Variants in CSMD1 observed in about 807,000 individuals in gnomAD.
CSMD1 encodes CUB and sushi domain-containing protein 1.
A neutral mutation model predicts 417.5 loss-of-function variants in CSMD1; 213 were observed. That is an observed-to-expected ratio of 0.51 (90% CI 0.46 to 0.57). The LOEUF (loss-of-function observed/expected upper bound fraction) is 0.57. Ranked by LOEUF, CSMD1 falls within the 20% of genes least tolerant of loss-of-function variation. The pLI is 0.00. For synonymous variants in CSMD1, 2,862 were observed against 1,736.8 expected (o/e 1.65, Z -16.11); for missense variants, 6,923 against 4,529.7 (o/e 1.53, Z -15.17).
chr8:3,619,221 A>C lies in CSMD1; in HGVS notation c.1010-2424T>G, dbSNP rs561603791. The stretch of plus-strand genomic sequence containing the variant: ...AAAACAAAAATACAGCAAAATGTAC[A>C]CACAAACCCAGACAGGACATGTACC... On this transcript the variant is annotated intron_variant, in intron 7 of 69. Coordinates refer to ENST00000635120, the MANE Select transcript of CSMD1 (RefSeq NM_033225.6). 2.0e-5 allele frequency among the ~76,000 whole-genome samples: 3 copies of C among 152,332 alleles called. No individual in the cohort carries two copies. In the East Asian group the frequency reaches 5.8e-4, roughly 29 times the overall value.
In CSMD1 at chr8:3,884,232, T is replaced by G. The variant is rs112890994; in HGVS notation, c.818+113671A>C. On this transcript the variant is annotated intron_variant, in intron 5 of 69. Transcript: ENST00000635120. The stretch of plus-strand genomic sequence containing the variant: ...GTTTAATAAGCCTTCCATTATCCTT[T>G]GATACGCCTCTAATGGCAAGTCTAA... Among the ~76,000 whole-genome samples the G allele has an allele frequency of 3.3e-3, 507 of 152,364 alleles. 4 individuals carry two copies. The highest frequency in any genetic ancestry group is 0.012 in the African/African-American group (495 of 41,592).
intron 5 of CSMD1, among the ~76,000 whole-genome samples, chr8:3,906,681 CTA>C (rs1808135188): frequency 2.0e-5 from 3 of 149,314 alleles, no homozygotes; most frequent in South Asian, 2.1e-4. Context: ...GAGAAAATAA[CTA>C]TGTTTTATGT....
chr8:3,411,825 TGTATATATGCACGTATATATGCAC>T (rs1363464681), intron 12 of CSMD1, among the ~76,000 whole-genome samples: 9,392 of 63,346 alleles, frequency 0.15, 845 homozygotes, highest in East Asian at 0.21. Flanking sequence ...TACGTGTATA[TGTATATATGCACGTATATATGCAC>T]GTATATATGC....
chr8:4,292,208 G>A lies in CSMD1; in HGVS notation c.415+127745C>T, dbSNP rs761837031. Among the ~76,000 whole-genome samples, 22 of 152,238 alleles carry A rather than the reference G, an allele frequency of 1.4e-4. No homozygotes were observed. The East Asian group carries it at 1.5e-3, about 11-fold the overall frequency. ...ATGGACTTATTTATTTGTATATGCT[G>A]CTTTTTCTTACTTTCCAAAGAATTT... is the stretch of plus-strand genomic sequence containing the variant. On this transcript the variant is annotated intron_variant, in intron 3 of 69. Transcript: ENST00000635120.
intron 5 of CSMD1, among the ~76,000 whole-genome samples, chr8:3,902,076 C>G (rs1262663922): frequency 6.6e-6 from 1 of 152,106 alleles, no homozygotes; most frequent in Non-Finnish European, 1.5e-5. Context: ...TTGCCAGATT[C>G]CTATTTGTCT....
chr8:4,895,326 A>C (rs1287106569), intron 1 of CSMD1, among the ~76,000 whole-genome samples: 1 of 152,090 alleles, frequency 6.6e-6, no homozygotes. Flanking sequence ...GTTTCTCTCC[A>C]ATATTTCAGT....
At chr8:4,065,173 C>T (rs752972022) in intron 3 of CSMD1, among the ~76,000 whole-genome samples, 14 of 152,152 alleles carry the variant, frequency 9.2e-5, no homozygotes, top group African/African-American at 2.9e-4. Context: ...TTACACAAAA[C>T]ACTTCTGATA....
chr8:4,668,255 C>A (rs1337325454), intron 1 of CSMD1, among the ~76,000 whole-genome samples: 2 of 151,940 alleles, frequency 1.3e-5, no homozygotes, highest in Admixed American at 1.3e-4. Context: ...GCCCAAACCA[C>A]AAACCCAAAT....
intron 5 of CSMD1, among the ~76,000 whole-genome samples, chr8:3,927,616 C>G (rs7825796): frequency 0.11 from 17,175 of 149,582 alleles, 1,670 homozygotes; most frequent in African/African-American, 0.26. Context: ...AGTGAGCCGA[C>G]ATCACGCCAC....
chr8:4,710,206 C>G (rs553067994), intron 1 of CSMD1, among the ~76,000 whole-genome samples: 3 of 151,802 alleles, frequency 2.0e-5, no homozygotes, highest in African/African-American at 7.3e-5. Flanking sequence ...AATATATATA[C>G]GTATCTTCAG....
intron 18 of CSMD1, among the ~76,000 whole-genome samples, chr8:3,382,828 A>C (rs1379801126): frequency 6.6e-6 from 1 of 151,922 alleles, no homozygotes; most frequent in Non-Finnish European, 1.5e-5. Context: ...AATAACTTTT[A>C]GTGTGCATAT....
chr8:4,185,971 T>C (rs1798652288), intron 3 of CSMD1, among the ~76,000 whole-genome samples: 1 of 152,248 alleles, frequency 6.6e-6, no homozygotes, highest in Non-Finnish European at 1.5e-5. Flanking sequence ...AATACAGAAA[T>C]CATTCTTAAC....
chr8:4,649,650 A>C (rs1378143434), intron 1 of CSMD1, among the ~76,000 whole-genome samples: 1 of 152,200 alleles, frequency 6.6e-6, no homozygotes, highest in Non-Finnish European at 1.5e-5. Context: ...GAACTCTTCT[A>C]CTCCTCTTTA....
chr8:3,031,129 A>G (rs996754050), intron 50 of CSMD1, among the ~76,000 whole-genome samples: 1 of 152,008 alleles, frequency 6.6e-6, no homozygotes, highest in Non-Finnish European at 1.5e-5. Flanking sequence ...ACTGTTTCTG[A>G]AAAGCCCTTA....
At chr8:2,991,099 T>C (rs750343436) in intron 54 of CSMD1, among the ~76,000 whole-genome samples, 4 of 152,238 alleles carry the variant, frequency 2.6e-5, no homozygotes, top group South Asian at 2.1e-4. Context: ...ATATACATCA[T>C]CTAAAAGGTG....
chr8:3,637,165 T>C (rs1157546618), intron 7 of CSMD1, among the ~76,000 whole-genome samples: 2 of 152,200 alleles, frequency 1.3e-5, no homozygotes, highest in Non-Finnish European at 2.9e-5. Flanking sequence ...AACACAAAAT[T>C]AACTAGGACA....
intron 2 of CSMD1, among the ~76,000 whole-genome samples, chr8:4,586,808 T>A (rs891333583): frequency 6.6e-6 from 1 of 152,212 alleles, no homozygotes; most frequent in Admixed American, 6.5e-5. Context: ...GCTGCAGCTG[T>A]TCTGCACACA....
chr8:4,807,339 A>C (rs1444644051), intron 1 of CSMD1, among the ~76,000 whole-genome samples: 2 of 152,258 alleles, frequency 1.3e-5, no homozygotes, highest in African/African-American at 4.8e-5. Flanking sequence ...GACAGCACTG[A>C]CTTAAAACCT....
chr8:4,646,192 TC>T (rs1803505723), intron 1 of CSMD1, among the ~76,000 whole-genome samples: 2 of 152,198 alleles, frequency 1.3e-5, no homozygotes, highest in South Asian at 4.1e-4. Flanking sequence ...TGGAGAGAAT[TC>T]TCTTCCTCTA....
Sources: gnomAD v4.1 joint callset for allele counts (sites outside exome capture counted in the v4.1 genomes callset) on GRCh38, gnomAD v4.1.1 for gene constraint, MANE v1.5 for transcripts, NCBI Gene and HGNC (gene_info 2026-07-23, HGNC 2026-07-21) for gene names.